Variants in DTNA observed in about 807,000 individuals in gnomAD.
DTNA encodes the protein dystrobrevin alpha, also known as dystrophin-related protein 3.
A neutral mutation model predicts 100.7 loss-of-function variants in DTNA; 43 were observed. The ratio of observed to expected loss-of-function variants is 0.43; its 90% confidence interval spans 0.33 to 0.55. The LOEUF is 0.55. DTNA is among the 20% of genes least tolerant of loss of function. The pLI is 0.04. For synonymous variants in DTNA, 349 were observed against 347.9 expected (o/e 1.00, Z -0.04); for missense variants, 798 against 953.9 (o/e 0.84, Z 2.15).
intron 1 of DTNA, among the ~76,000 whole-genome samples, chr18:34,701,425 A>G (rs2081354346): frequency 6.6e-6 from 1 of 152,148 alleles, no homozygotes; most frequent in Non-Finnish European, 1.5e-5. Context: ...AAGCACGCTC[A>G]CATGGTGTTT....
At chr18:34,603,083 G>T (rs117935453) in intron 1 of DTNA, among the ~76,000 whole-genome samples, 1 of 151,642 alleles carries the variant, frequency 6.6e-6, no homozygotes, top group South Asian at 2.1e-4. Flanking sequence ...TTAGCTGAGC[G>T]TGGTGGTGTG....
At chr18:34,840,455 C>T (rs1464534380) in intron 13 of DTNA, among the ~76,000 whole-genome samples, 2 of 150,496 alleles carry the variant, frequency 1.3e-5, no homozygotes, top group Non-Finnish European at 1.5e-5. Flanking sequence ...GACTATGATG[C>T]GATCTCACAT....
At chr18:34,866,929 C>G in intron 17 of DTNA, 1 of 1,153,598 alleles carries the variant, frequency 8.7e-7, no homozygotes, top group Non-Finnish European at 1.1e-6. Flanking sequence ...TAAACTGGAG[C>G]TGTCTGAACC....
chr18:34,814,897 A>G (rs889660123), intron 6 of DTNA, among the ~76,000 whole-genome samples: 2 of 152,210 alleles, frequency 1.3e-5, no homozygotes, highest in South Asian at 2.1e-4. Context: ...AAGTATGACA[A>G]ATAGTCAAAA....
intron 1 of DTNA, among the ~76,000 whole-genome samples, chr18:34,567,504 A>G (rs1445081252): frequency 1.3e-5 from 2 of 152,160 alleles, no homozygotes; most frequent in Non-Finnish European, 2.9e-5. Context: ...GACTTAATAA[A>G]TCAGAATTTA....
intron 3 of DTNA, among the ~76,000 whole-genome samples, chr18:34,780,933 T>C (rs2094291936): frequency 6.6e-6 from 1 of 152,222 alleles, no homozygotes; most frequent in South Asian, 2.1e-4. Flanking sequence ...CTGTCCTGCA[T>C]TGGTCAATGG....
At chr18:34,707,129 G>A (rs1043587042), upstream of DTNA, among the ~76,000 whole-genome samples, 3 of 152,094 alleles carry the variant, frequency 2.0e-5, no homozygotes, top group Non-Finnish European at 4.4e-5. Context: ...ATTTAAGCGC[G>A]TGACTTCTGA....
intron 15 of DTNA, among the ~76,000 whole-genome samples, chr18:34,852,934 G>T (rs1206265562): frequency 6.6e-6 from 1 of 152,174 alleles, no homozygotes; most frequent in African/African-American, 2.4e-5. Flanking sequence ...AAATAATCAT[G>T]TGTGTTTGTT....
rs2096193112 is a variant in DTNA, at chr18:34,838,145, T to C, written c.1227T>C (p.Ala409=). 1 of 1,613,912 alleles carries C rather than the reference T, an allele frequency of 6.2e-7. No homozygotes were observed. The highest frequency in any genetic ancestry group is 8.5e-7 in the Non-Finnish European group (1 of 1,179,842). The change falls in exon 12 of 23, where the codon GCT becomes GCC. Residue 409 remains alanine, a synonymous_variant. Transcript: ENST00000444659. ...EVEQNKLLAR[A]APAFLKGKGI... is the part of the protein sequence containing the mutation. Reference sequence around the variant, plus strand: ...AGCAGAACAAACTGCTGGCTAGGGCTGCTCCAGCTTTTCTGAAGGGCAAAG... The same window carrying C: ...AGCAGAACAAACTGCTGGCTAGGGCCGCTCCAGCTTTTCTGAAGGGCAAAG...
intron 13 of DTNA, among the ~76,000 whole-genome samples, chr18:34,844,398 C>T (rs765886780): frequency 5.3e-5 from 8 of 152,058 alleles, no homozygotes; most frequent in South Asian, 2.1e-4. Flanking sequence ...AACCATTTCT[C>T]GGTCCCCAGT....
At chr18:34,773,491 A>G (rs901130754) in intron 3 of DTNA, among the ~76,000 whole-genome samples, 4 of 152,268 alleles carry the variant, frequency 2.6e-5, no homozygotes, top group Non-Finnish European at 5.9e-5. Flanking sequence ...AGTTGGGGAA[A>G]TAAACTGCAG....
At chr18:34,629,990 G>A (rs528126202) in intron 1 of DTNA, among the ~76,000 whole-genome samples, 1 of 152,080 alleles carries the variant, frequency 6.6e-6, no homozygotes, top group African/African-American at 2.4e-5. Flanking sequence ...AAATGATGTC[G>A]TTGGCATTTT....
At chr18:34,671,006 C>A (rs1334233732) in intron 1 of DTNA, among the ~76,000 whole-genome samples, 1 of 152,212 alleles carries the variant, frequency 6.6e-6, no homozygotes, top group Non-Finnish European at 1.5e-5. Flanking sequence ...TTCGGCTATG[C>A]CCTTCCCCCA....
At chr18:34,844,838 A>T (rs552532835) in intron 13 of DTNA, among the ~76,000 whole-genome samples, 9 of 152,288 alleles carry the variant, frequency 5.9e-5, no homozygotes, top group Admixed American at 1.3e-4. Context: ...GCTAAATCAC[A>T]CTTTCATAAG....
intron 11 of DTNA, among the ~76,000 whole-genome samples, chr18:34,830,622 A>T (rs531238507): frequency 6.6e-6 from 1 of 152,280 alleles, no homozygotes; most frequent in Admixed American, 6.5e-5. Context: ...AAAGAAAAAA[A>T]AAGCGATTCT....
intron 1 of DTNA, among the ~76,000 whole-genome samples, chr18:34,590,371 G>A (rs1366905645): frequency 2.6e-5 from 4 of 152,086 alleles, no homozygotes; most frequent in Non-Finnish European, 5.9e-5. Flanking sequence ...AAAAGTATAT[G>A]CTTTTAAAAA....
chr18:34,729,941 A>G (rs989271453), intron 1 of DTNA, among the ~76,000 whole-genome samples: 1 of 152,002 alleles, frequency 6.6e-6, no homozygotes, highest in Non-Finnish European at 1.5e-5. Context: ...GAAGAGCTTT[A>G]AGACTTCAAG....
At chr18:34,749,263 A>G (rs2092036737) in intron 1 of DTNA, among the ~76,000 whole-genome samples, 1 of 152,064 alleles carries the variant, frequency 6.6e-6, no homozygotes, top group Non-Finnish European at 1.5e-5. Flanking sequence ...ATCATCAGTG[A>G]AGAGCAACAG....
chr18:34,573,804 C>A (rs2047836444), intron 1 of DTNA, among the ~76,000 whole-genome samples: 1 of 152,170 alleles, frequency 6.6e-6, no homozygotes, highest in Non-Finnish European at 1.5e-5. Flanking sequence ...TGAACTTATT[C>A]CTCCTGCCTA....
Sources: gnomAD v4.1 joint callset for allele counts (sites outside exome capture counted in the v4.1 genomes callset) on GRCh38, gnomAD v4.1.1 for gene constraint, MANE v1.5 for transcripts, NCBI Gene and HGNC (gene_info 2026-07-23, HGNC 2026-07-21) for gene names.